The following MYO16 variants were observed in gnomAD, a reference collection of about 807,000 sequenced individuals.
MYO16 encodes myosin XVI.
A neutral mutation model predicts 205.3 loss-of-function variants in MYO16; 94 were observed. That is an observed-to-expected ratio of 0.46 (90% confidence interval 0.39 to 0.54). The LOEUF is 0.54. Among genes scored for constraint, MYO16 ranks in the 20% least tolerant of loss-of-function variants. The probability of loss-of-function intolerance (pLI) is 0.00; values close to 1 mark genes in which losing one functional copy is unlikely to be tolerated. For synonymous variants in MYO16, 988 were observed against 954.0 expected (o/e 1.04, Z -0.66); for missense variants, 2,315 against 2,387.5 (o/e 0.97, Z 0.63).
chr13:109,046,988 A>G lies in MYO16; in HGVS notation c.2869A>G (p.Lys957Glu), dbSNP rs770385868. The G allele has an allele frequency of 6.2e-7, 1 of 1,607,122 alleles. No individual in the cohort carries two copies. ...TTCACAGAATCTTCTATTTGTAATG[A>G]AAAGTAAGTTGATTTTTTTTCCTGC... The part of the protein sequence containing the change: ...SLSQNLLFVM[K>E]TSENVVINHL... Residue 957 changes from lysine to glutamate, a missense_variant, in exon 24 of 35, where the codon AAA becomes GAA. This residue lies in a region of MYO16 where 1,213 missense variants were observed against 1,274.4 expected (regional missense o/e 0.95). Coordinates refer to ENST00000457511, the MANE Select transcript of MYO16 (RefSeq NM_001198950.3).
At position 109,125,522 on chromosome 13, in the gene MYO16, C is replaced by T. The variant is rs1184287653; in HGVS notation, c.3782+164C>T. On this transcript the variant is annotated intron_variant, in intron 30 of 34. Coordinates refer to ENST00000457511, the MANE Select transcript of MYO16 (RefSeq NM_001198950.3). This position sits in a 1 kb window ranked among gnomAD's most constrained non-coding sequence, Gnocchi z 4.0. Reference sequence around the variant, plus strand: ...GAAATGGCAGCAGTCTAAAAAGATGCTTTCCTGTGCTGTCTTCTCACGAGT... The same window carrying T: ...GAAATGGCAGCAGTCTAAAAAGATGTTTTCCTGTGCTGTCTTCTCACGAGT... Among the ~76,000 whole-genome samples the T allele has an allele frequency of 6.6e-6, 1 of 152,150 alleles. No individual in the cohort carries two copies. Among genetic ancestry groups the T allele is most frequent in the Non-Finnish European group, 1.5e-5 (1 of 68,032 alleles).
At chr13:108,731,891 T>C (rs778632252) in intron 4 of MYO16, among the ~76,000 whole-genome samples, 9 of 152,220 alleles carry the variant, frequency 5.9e-5, no homozygotes, top group Non-Finnish European at 1.3e-4. Flanking sequence ...TATACTCTAA[T>C]GGTGAAAACA....
chr13:109,052,407 C>G lies in MYO16; in HGVS notation c.2980C>G (p.Leu994Val). 1 of 1,612,804 alleles carries G rather than the reference C, an allele frequency of 6.2e-7. No individual in the cohort carries two copies. The highest frequency in any genetic ancestry group is 1.3e-5 in the African/African-American group (1 of 74,942). ...TAAATTCCGAGGACATAAGTCTGCC[C>G]TGCTCAGTAAGAAAATGACAGCTTC... Reference protein sequence around the residue: ...SFKFRGHKSALLSKKMTASSI... With the variant: ...SFKFRGHKSAVLSKKMTASSI... The change falls in exon 25 of 35, where the codon CTG becomes GTG. Residue 994 changes from leucine to valine, a missense_variant. Coordinates refer to ENST00000457511, the MANE Select transcript of MYO16 (RefSeq NM_001198950.3).
chr13:108,729,619 C>A (rs768866776), intron 4 of MYO16, among the ~76,000 whole-genome samples: 13 of 152,082 alleles, frequency 8.5e-5, no homozygotes, highest in African/African-American at 1.7e-4. Context: ...TTCCTGCATG[C>A]AAAATGGCCA....
intron 1 of MYO16, among the ~76,000 whole-genome samples, chr13:108,657,355 T>C (rs77231934): frequency 0.02 from 3,026 of 152,256 alleles, 97 homozygotes; most frequent in African/African-American, 0.069. Context: ...GGTGACCTAA[T>C]AGATTTATAT....
At position 108,724,002 on chromosome 13, in the gene MYO16, G is replaced by C. The variant is rs371737427; in HGVS notation, c.364-3438G>C. 5.9e-5 allele frequency among the ~76,000 whole-genome samples: 9 copies of C among 152,144 alleles called. 1 individual carries two copies. In the South Asian group the frequency reaches 1.9e-3, roughly 32 times the overall value. ...AGGTTTAAAAAATTATCTCACTAAC[G>C]TTTTGTTGATTTTGGTGTGCAGGTC... is the stretch of plus-strand genomic sequence containing the variant. On this transcript the variant is annotated intron_variant, in intron 3 of 34. Coordinates refer to ENST00000457511, the MANE Select transcript of MYO16 (RefSeq NM_001198950.3).
intron 20 of MYO16, among the ~76,000 whole-genome samples, chr13:108,985,651 T>G (rs1254871880): frequency 6.6e-6 from 1 of 152,246 alleles, no homozygotes; most frequent in Non-Finnish European, 1.5e-5. Context: ...GCTGGTAATT[T>G]GCTTCCTTGC....
chr13:109,178,542 A>T (rs1454119785), intron 33 of MYO16, among the ~76,000 whole-genome samples: 1 of 152,252 alleles, frequency 6.6e-6, no homozygotes, highest in Non-Finnish European at 1.5e-5. Context: ...AGAGGAGAGT[A>T]GTAATCACTT....
chr13:108,523,684 T>A, the MYO16 span, among the ~76,000 whole-genome samples: 1 of 152,220 alleles, frequency 6.6e-6, no homozygotes, highest in Non-Finnish European at 1.5e-5. Flanking sequence ...TTAGAGGTCA[T>A]CTGGTTTAAC....
intron 2 of MYO16, among the ~76,000 whole-genome samples, chr13:108,677,335 G>GTGTATATATATATATATGCATATA (rs1247551957): frequency 1.1e-5 from 1 of 87,478 alleles, no homozygotes; most frequent in African/African-American, 5.0e-5. Context: ...GTGTGTGTGT[G>GTGTATATATATATATATGCATATA]TATATATATA....
chr13:108,896,400 A>G (rs1301556561), intron 14 of MYO16, among the ~76,000 whole-genome samples: 1 of 152,184 alleles, frequency 6.6e-6, no homozygotes, highest in African/African-American at 2.4e-5. Context: ...AAACATTGCT[A>G]TCATCACTGC....
chr13:108,843,630 A>G (rs1877362312), intron 9 of MYO16, among the ~76,000 whole-genome samples: 2 of 152,220 alleles, frequency 1.3e-5, no homozygotes, highest in Non-Finnish European at 2.9e-5. Context: ...TCTGCTTATA[A>G]GGTAACAATT....
At chr13:108,794,318 G>T (rs9555506) in intron 6 of MYO16, among the ~76,000 whole-genome samples, 78,479 of 152,032 alleles carry the variant, frequency 0.52, 20,579 homozygotes, top group Non-Finnish European at 0.55. Flanking sequence ...ATCCCACTGA[G>T]CCTAAAATAA....
At chr13:108,626,545 T>C (rs1452313329), upstream of MYO16, among the ~76,000 whole-genome samples, 4 of 152,136 alleles carry the variant, frequency 2.6e-5, no homozygotes, top group Non-Finnish European at 4.4e-5. Context: ...TGGTGGCTCA[T>C]GCCTGTAATC....
At chr13:108,547,816 G>A in the MYO16 span, among the ~76,000 whole-genome samples, 2 of 152,188 alleles carry the variant, frequency 1.3e-5, no homozygotes, top group East Asian at 3.8e-4. Flanking sequence ...AAAATCTTCA[G>A]TGTGCATACT....
chr13:109,153,288 C>T (rs1471082661), intron 32 of MYO16, among the ~76,000 whole-genome samples: 3 of 152,144 alleles, frequency 2.0e-5, no homozygotes, highest in African/African-American at 7.2e-5. Flanking sequence ...AGGAGGTTGT[C>T]CTCTTGTGTG....
chr13:108,796,065 A>C (rs897995299), intron 6 of MYO16, among the ~76,000 whole-genome samples: 1 of 152,218 alleles, frequency 6.6e-6, no homozygotes, highest in Non-Finnish European at 1.5e-5. Flanking sequence ...CATATGGCTG[A>C]AGCAGTGTCA....
rs534864472 is a variant in MYO16, at chr13:108,911,283, G to A, written c.1925+1133G>A. Reference sequence around the variant, plus strand: ...CATCTGAAGCCATTATATTCTGGTTGGGGAGATATTAATAAACAGGTTGGT... The same window carrying A: ...CATCTGAAGCCATTATATTCTGGTTAGGGAGATATTAATAAACAGGTTGGT... On this transcript the variant is annotated intron_variant, in intron 16 of 34. Transcript: ENST00000457511. Among the ~76,000 whole-genome samples the A allele has an allele frequency of 5.9e-5, 9 of 152,218 alleles. No homozygotes were observed. The South Asian group carries it at 1.9e-3, about 32-fold the overall frequency.
At chr13:108,591,565 A>G (rs2139284585), upstream of MYO16, among the ~76,000 whole-genome samples, 1 of 152,142 alleles carries the variant, frequency 6.6e-6, no homozygotes, top group East Asian at 1.9e-4. Context: ...GGCTTTTCAT[A>G]ATGATTGGAA....
Sources: gnomAD v4.1 joint callset for allele counts (sites outside exome capture counted in the v4.1 genomes callset) on GRCh38, gnomAD v4.1.1 for gene constraint, gnomAD v4.1.1 regional missense constraint, Gnocchi (gnomAD v3.1) non-coding constraint, MANE v1.5 for transcripts, NCBI Gene and HGNC (gene_info 2026-07-23, HGNC 2026-07-21) for gene names.